SETMAR: variants seen among roughly 807,000 people sequenced by gnomAD.
The protein encoded by SETMAR is SET and mariner transposase domain methyltransferase.
SETMAR carries 44 observed loss-of-function variants against 58.4 expected under a neutral mutation model. The observed-to-expected ratio is 0.75, with a 90% CI of 0.59 to 0.97. The LOEUF (loss-of-function observed/expected upper bound fraction) is 0.97, where lower values mean the gene tolerates loss of function less well. Ranked by LOEUF, SETMAR falls within the 50% of genes least tolerant of loss-of-function variation. The pLI, the probability that SETMAR is intolerant of heterozygous loss-of-function variation, is 0.00. For synonymous variants in SETMAR, 332 were observed against 307.4 expected (o/e 1.08, Z -0.84); for missense variants, 903 against 840.2 (o/e 1.07, Z -0.92).
At chr3:4,313,937 C>A in intron 2 of SETMAR, 176 bp downstream of exon 2, 1 of 1,121,134 alleles carries the variant, frequency 8.9e-7, no homozygotes, top group Non-Finnish European at 1.2e-6. Context: ...AACAAAAGTA[C>A]ATGACTACCC....
rs757683573 is a variant in SETMAR at position 4,303,419 on chromosome 3, T to A, written c.49T>A (p.Phe17Ile). ...KTTRPCGMAEFKEKPEAPTEQ... is the reference protein window; with the variant it reads ...KTTRPCGMAEIKEKPEAPTEQ... ...GACACGGCCTTGTGGGATGGCGGAG[T>A]TTAAGGAGAAGCCTGAGGCCCCGAC... The change falls in exon 1 of 3, where the codon TTT becomes ATT. Residue 17 changes from phenylalanine (F) to isoleucine (I), a missense_variant. Coordinates refer to ENST00000358065, the MANE Select transcript of SETMAR (RefSeq NM_006515.4). The A allele has an allele frequency of 2.4e-5, 37 of 1,554,298 alleles. No homozygotes were observed. Among genetic ancestry groups the A allele is most frequent in the Non-Finnish European group, 3.2e-5 (37 of 1,155,600 alleles).
intron 1 of SETMAR, among the ~76,000 whole-genome samples, chr3:4,304,577 A>T (rs55927134): frequency 0.077 from 11,783 of 152,260 alleles, 1,555 homozygotes; most frequent in African/African-American, 0.27. Context: ...CATCTTAGCT[A>T]CTTCCCAGAG....
intron 1 of SETMAR, among the ~76,000 whole-genome samples, chr3:4,310,661 G>C (rs1321110529): frequency 6.6e-6 from 1 of 152,146 alleles, no homozygotes; most frequent in East Asian, 1.9e-4. Flanking sequence ...AATATATCAT[G>C]AGATTCTTCA....
chr3:4,304,682 C>G (rs1698112935), intron 1 of SETMAR, among the ~76,000 whole-genome samples: 1 of 152,178 alleles, frequency 6.6e-6, no homozygotes, highest in East Asian at 1.9e-4. Context: ...TCTGCCCTTT[C>G]TTTTTCCTAG....
Position 4,313,259 on chromosome 3 carries a change from T to G in SETMAR, c.518T>G (p.Leu173Ter), listed in dbSNP as rs1185741173. ...GTCTGTGAATATGCTGGTGAGGTTT[T>G]AGGATTCTCTGAAGTTCAGAGAAGA... ...RFVCEYAGEVLGFSEVQRRIH... is the reference protein window; with the variant it reads ...RFVCEYAGEV The change falls in exon 2 of 3, where the codon TTA becomes TGA. Residue 173 changes from leucine to a stop codon, truncating the protein, a stop_gained. Coordinates refer to ENST00000358065, the MANE Select transcript of SETMAR (RefSeq NM_006515.4). LOFTEE classifies it high-confidence loss of function. 1 of 1,613,976 alleles carries G rather than the reference T, an allele frequency of 6.2e-7. No individual in the cohort carries two copies. Among genetic ancestry groups the G allele is most frequent in the Non-Finnish European group, 8.5e-7 (1 of 1,179,970 alleles).
At chr3:4,312,202 C>G (rs1256815849) in intron 1 of SETMAR, among the ~76,000 whole-genome samples, 1 of 151,964 alleles carries the variant, frequency 6.6e-6, no homozygotes, top group Non-Finnish European at 1.5e-5. Flanking sequence ...TTCTTATCCC[C>G]AACCAGTATC....
chr3:4,303,550 G>C (rs1698040705), intron 1 of SETMAR, 24 bp downstream of exon 1: 1 of 1,345,760 alleles, frequency 7.4e-7, no homozygotes, highest in Admixed American at 4.2e-5. Flanking sequence ...CAGGCGGCGC[G>C]GGAGGCGGGC....
In SETMAR at chr3:4,316,546, A is replaced by G. The variant is rs1351945398; in HGVS notation, c.1355A>G (p.Lys452Arg). 1.3e-5 allele frequency: 20 copies of G among 1,561,308 alleles called. No individual in the cohort carries two copies. The highest frequency in any genetic ancestry group is 1.6e-5 in the Non-Finnish European group (18 of 1,151,626). Residue 452 changes from lysine (K) to arginine (R), a missense_variant, in exon 3 of 3, where the codon AAG becomes AGG. Physicochemically the swap from Lys to Arg is conservative, Grantham distance 26 (BLOSUM62 2). Transcript: ENST00000358065. ...GTTCGACATTTGAAGCAAATTGGAA[A>G]GGTGAAAAAGCTCGATAAGTGGGTG... ...TVVRHLKQIG[K>R]VKKLDKWVPH...
chr3:4,314,785 G>A lies in SETMAR; in HGVS notation c.1020+1024G>A, dbSNP rs566190387. Among the ~76,000 whole-genome samples the A allele has an allele frequency of 2.0e-5, 3 of 152,292 alleles. No homozygotes were observed. In the South Asian group the frequency reaches 6.2e-4, roughly 32 times the overall value. On this transcript the variant is annotated intron_variant, in intron 2 of 2. Coordinates refer to ENST00000358065, the MANE Select transcript of SETMAR (RefSeq NM_006515.4). ...GGGATGTTGCAAAAATACAGTTACT[G>A]TGGAGGTTTATCAGACATTTTGAAA...
chr3:4,303,663 T>C, intron 1 of SETMAR, 137 bp downstream of exon 1: 1 of 1,462,500 alleles, frequency 6.8e-7, no homozygotes. Flanking sequence ...TGCGCGGGAA[T>C]AGGTGTGCAT....
chr3:4,312,755 T>C (rs1339644338), intron 1 of SETMAR, 143 bp from the exon 2 acceptor site: 2 of 737,092 alleles, frequency 2.7e-6, no homozygotes, highest in African/African-American at 2.1e-5. Flanking sequence ...TTTTGGACAA[T>C]ATCTTAGTAT....
At chr3:4,304,651 C>G (rs1232139839) in intron 1 of SETMAR, among the ~76,000 whole-genome samples, 2 of 152,314 alleles carry the variant, frequency 1.3e-5, no homozygotes, top group South Asian at 4.1e-4. Flanking sequence ...CTTTAACATC[C>G]ATTATCAACA....
At chr3:4,303,612 CAGTCG>C (rs1698045371) in intron 1 of SETMAR, 86 bp downstream of exon 1, 9 of 1,377,460 alleles carry the variant, frequency 6.5e-6, no homozygotes, top group Non-Finnish European at 8.4e-6. Context: ...GACGGCCTCC[CAGTCG>C]CGACCTTTTG....
At chr3:4,314,900 C>T (rs1395289083) in intron 2 of SETMAR, among the ~76,000 whole-genome samples, 1 of 152,172 alleles carries the variant, frequency 6.6e-6, no homozygotes, top group Non-Finnish European at 1.5e-5. Context: ...GGAGGCCCTG[C>T]ACTTTCAACA....
chr3:4,308,286 C>T (rs1273597258), intron 1 of SETMAR, among the ~76,000 whole-genome samples: 1 of 152,114 alleles, frequency 6.6e-6, no homozygotes, highest in African/African-American at 2.4e-5. Context: ...TCTTCACTAC[C>T]CTACTATGCA....
intron 2 of SETMAR, among the ~76,000 whole-genome samples, chr3:4,315,566 A>T (rs531191192): frequency 1.5e-4 from 23 of 152,280 alleles, no homozygotes; most frequent in African/African-American, 5.5e-4. Flanking sequence ...CAGATTCCTA[A>T]GGTAAGAGTC....
rs771153592 is a variant in SETMAR at position 4,313,099 on chromosome 3, G to A, written c.358G>A (p.Val120Ile). Residue 120 changes from valine (V) to isoleucine (I), a missense_variant, in exon 2 of 3, where the codon GTC (valine) becomes ATC (isoleucine). Coordinates refer to ENST00000358065, the MANE Select transcript of SETMAR (RefSeq NM_006515.4). ...KYAEPVFECN[V>I]LCRCSDHCRN... ...TGCAGAGCCTGTTTTTGAATGCAAT[G>A]TCCTGTGCCGATGCAGTGACCACTG... is the stretch of plus-strand genomic sequence containing the variant. 2 of 1,614,046 alleles carry A rather than the reference G, an allele frequency of 1.2e-6. No homozygotes were observed. The highest frequency in any genetic ancestry group is 2.2e-5 in the South Asian group (2 of 91,078).
intron 2 of SETMAR, 115 bp downstream of exon 2, chr3:4,313,876 C>T: frequency 1.3e-6 from 2 of 1,524,826 alleles, no homozygotes; most frequent in Non-Finnish European, 1.8e-6. Flanking sequence ...GCAGAGACTG[C>T]AAGTTGTCCA....
chr3:4,312,953 C>A lies in SETMAR; in HGVS notation c.212C>A (p.Thr71Asn), dbSNP rs1208865093. 6.2e-7 allele frequency: 1 copy of A among 1,613,858 alleles called. No individual in the cohort carries two copies. The highest frequency in any genetic ancestry group is 8.5e-7 in the Non-Finnish European group (1 of 1,179,840). ...PGADIDPTQI[T>N]FPGCICVKTP... ...GCAGACATTGATCCCACTCAAATAACCTTTCCCGGATGCATTTGTGTCAAA... is the reference window on the plus strand; with the variant it reads ...GCAGACATTGATCCCACTCAAATAAACTTTCCCGGATGCATTTGTGTCAAA... Residue 71 changes from threonine (T) to asparagine (N), a missense_variant, in exon 2 of 3, where the codon ACC (threonine) becomes AAC (asparagine). Thr to Asn is a moderately conservative substitution (Grantham distance 65). Transcript: ENST00000358065.
Sources: gnomAD v4.1 joint callset for allele counts (sites outside exome capture counted in the v4.1 genomes callset) on GRCh38, gnomAD v4.1.1 for gene constraint, MANE v1.5 for transcripts, NCBI Gene and HGNC (gene_info 2026-07-23, HGNC 2026-07-21) for gene names.